GRIK2: variants seen among roughly 807,000 people sequenced by gnomAD.
GRIK2 encodes glutamate receptor ionotropic, kainate 2.
In GRIK2, 32 loss-of-function variants were observed where a neutral mutation model predicts 100.3. The observed-to-expected ratio is 0.32, with a 90% CI of 0.24 to 0.43. The LOEUF (loss-of-function observed/expected upper bound fraction) is 0.43. GRIK2 is among the 20% of genes least tolerant of loss of function. GRIK2 has a pLI of 1.00. For synonymous variants in GRIK2, 417 were observed against 389.4 expected (o/e 1.07, Z -0.83); for missense variants, 843 against 1,114.9 (o/e 0.76, Z 3.47).
intron 14 of GRIK2, among the ~76,000 whole-genome samples, chr6:101,948,511 T>A (rs2852599): frequency 2.0e-5 from 3 of 147,982 alleles, no homozygotes; most frequent in East Asian, 1.9e-4. Flanking sequence ...TAGTTATATA[T>A]AAATATATTT....
At chr6:102,031,918 C>G (rs1770021314) in intron 14 of GRIK2, among the ~76,000 whole-genome samples, 1 of 151,268 alleles carries the variant, frequency 6.6e-6, no homozygotes, top group Non-Finnish European at 1.5e-5. Context: ...ACAAGGAAGA[C>G]TTTTCTATTC....
At chr6:101,413,550 C>T (rs1775976718) in intron 2 of GRIK2, among the ~76,000 whole-genome samples, 1 of 151,970 alleles carries the variant, frequency 6.6e-6, no homozygotes, top group African/African-American at 2.4e-5. Flanking sequence ...AAAAATTTAT[C>T]TAAAACATGC....
chr6:101,545,942 C>G (rs1180703842), intron 2 of GRIK2, among the ~76,000 whole-genome samples: 1 of 68,002 alleles, frequency 1.5e-5, no homozygotes, highest in African/African-American at 9.0e-5. Context: ...ATTTAGTTCT[C>G]AACATTTTTT....
At chr6:101,613,787 G>A (rs560301225) in intron 2 of GRIK2, among the ~76,000 whole-genome samples, 2 of 150,672 alleles carry the variant, frequency 1.3e-5, no homozygotes, top group Admixed American at 6.6e-5. Context: ...CTAGAAAAAC[G>A]AAAGGATCAG....
At chr6:101,916,100 T>C (rs1789087786) in intron 12 of GRIK2, among the ~76,000 whole-genome samples, 1 of 151,526 alleles carries the variant, frequency 6.6e-6, no homozygotes. Flanking sequence ...CATAATACTG[T>C]AAAGTTTAGG....
chr6:101,913,427 A>C (rs1788887211), intron 12 of GRIK2, among the ~76,000 whole-genome samples: 1 of 151,344 alleles, frequency 6.6e-6, no homozygotes, highest in Non-Finnish European at 1.5e-5. Flanking sequence ...GTGTATATGG[A>C]CCCAATGAAA....
intron 9 of GRIK2, among the ~76,000 whole-genome samples, chr6:101,805,349 T>C (rs1240975271): frequency 6.6e-6 from 1 of 151,162 alleles, no homozygotes; most frequent in Non-Finnish European, 1.5e-5. Flanking sequence ...AGGGCTGCCC[T>C]CTTGGACAGT....
intron 2 of GRIK2, among the ~76,000 whole-genome samples, chr6:101,492,177 G>C (rs1032228797): frequency 6.6e-6 from 1 of 151,736 alleles, no homozygotes; most frequent in African/African-American, 2.4e-5. Flanking sequence ...CTTATATCTA[G>C]ATTACCTTTT....
intron 14 of GRIK2, among the ~76,000 whole-genome samples, chr6:102,002,791 A>G (rs1795020004): frequency 6.6e-6 from 1 of 150,908 alleles, no homozygotes; most frequent in South Asian, 2.1e-4. Flanking sequence ...TCACAGATGT[A>G]TTCATTTTTA....
chr6:101,971,279 A>C (rs532007535), intron 14 of GRIK2, among the ~76,000 whole-genome samples: 2 of 152,190 alleles, frequency 1.3e-5, no homozygotes, highest in African/African-American at 4.8e-5. Context: ...TATAACAAAA[A>C]TGTATTTCTG....
At chr6:101,773,926 G>A (rs1198656758) in intron 7 of GRIK2, among the ~76,000 whole-genome samples, 1 of 152,060 alleles carries the variant, frequency 6.6e-6, no homozygotes, top group East Asian at 1.9e-4. Flanking sequence ...GTAGAGTAAT[G>A]AGCACAAGAT....
At chr6:101,813,050 T>A (rs1052999399) in intron 9 of GRIK2, among the ~76,000 whole-genome samples, 5 of 152,060 alleles carry the variant, frequency 3.3e-5, no homozygotes, top group African/African-American at 1.2e-4. Context: ...GTATATAACA[T>A]ATACATAAAT....
At chr6:101,791,564 T>C (rs996639574) in intron 7 of GRIK2, among the ~76,000 whole-genome samples, 1 of 152,082 alleles carries the variant, frequency 6.6e-6, no homozygotes, top group Non-Finnish European at 1.5e-5. Flanking sequence ...TGCACTGTGG[T>C]CTGAGAGACA....
chr6:101,775,654 G>A (rs1778698951), intron 7 of GRIK2, among the ~76,000 whole-genome samples: 1 of 151,402 alleles, frequency 6.6e-6, no homozygotes, highest in Non-Finnish European at 1.5e-5. Flanking sequence ...CCCCGCCCCG[G>A]TCTGAGCTGC....
chr6:101,505,040 CTTGTCA>C (rs1431643419), intron 2 of GRIK2, among the ~76,000 whole-genome samples: 2 of 145,848 alleles, frequency 1.4e-5, no homozygotes, highest in African/African-American at 5.1e-5. Flanking sequence ...ATTTGAGCTA[CTTGTCA>C]TTAAGTTTTT....
intron 9 of GRIK2, among the ~76,000 whole-genome samples, chr6:101,805,430 T>A (rs1470191870): frequency 6.6e-6 from 1 of 151,932 alleles, no homozygotes; most frequent in African/African-American, 2.4e-5. Flanking sequence ...ATGCTAGAAA[T>A]TTTAATCGTT....
chr6:101,971,966 T>C (rs1397225080), intron 14 of GRIK2, among the ~76,000 whole-genome samples: 3 of 151,958 alleles, frequency 2.0e-5, no homozygotes, highest in Non-Finnish European at 4.4e-5. Context: ...AAGGTATATA[T>C]GCACCATATT....
intron 2 of GRIK2, among the ~76,000 whole-genome samples, chr6:101,406,285 G>T (rs1775591007): frequency 1.3e-5 from 2 of 152,006 alleles, no homozygotes; most frequent in Admixed American, 1.3e-4. Flanking sequence ...AAAGATAGCA[G>T]CATTCAGATA....
intron 16 of GRIK2, among the ~76,000 whole-genome samples, chr6:102,060,518 G>A (rs537642586): frequency 6.6e-6 from 1 of 150,906 alleles, no homozygotes; most frequent in East Asian, 1.9e-4. Flanking sequence ...TTTACAGATA[G>A]CTACGTATAA....
Sources: gnomAD v4.1 joint callset for allele counts (sites outside exome capture counted in the v4.1 genomes callset) on GRCh38, gnomAD v4.1.1 for gene constraint, MANE v1.5 for transcripts, NCBI Gene and HGNC (gene_info 2026-07-23, HGNC 2026-07-21) for gene names.